The following ANK2 variants were observed in gnomAD, a reference collection of about 807,000 sequenced individuals.
ANK2 encodes ankyrin 2, also known as ankyrin-2.
In ANK2, 83 loss-of-function variants were observed where a neutral mutation model predicts 360.5. That is an observed-to-expected ratio of 0.23 (90% CI 0.19 to 0.28). The LOEUF is 0.28. Among genes scored for constraint, ANK2 ranks in the 10% least tolerant of loss-of-function variants. ANK2 has a pLI of 1.00. For missense variants in ANK2, 4,201 were observed against 4,795.7 expected (o/e 0.88, Z 3.66); for synonymous variants, 1,740 against 1,759.5 (o/e 0.99, Z 0.28).
chr4:113,123,199 A>G (rs2095472729), intron 1 of ANK2, among the ~76,000 whole-genome samples: 1 of 151,978 alleles, frequency 6.6e-6, no homozygotes, highest in Non-Finnish European at 1.5e-5. Context: ...TAAATGTTTT[A>G]ATCTTTAAAA....
At chr4:112,804,516 A>G in the ANK2 span, among the ~76,000 whole-genome samples, 1 of 152,190 alleles carries the variant, frequency 6.6e-6, no homozygotes, top group South Asian at 2.1e-4. Flanking sequence ...TTGCATATAG[A>G]TAACATGAGA....
chr4:113,090,891 G>C (rs972393521), intron 1 of ANK2, among the ~76,000 whole-genome samples: 2 of 152,168 alleles, frequency 1.3e-5, no homozygotes, highest in African/African-American at 4.8e-5. Flanking sequence ...GGTTGTCCTA[G>C]GCATTTGAGT....
chr4:113,292,108 G>C (rs922033230), intron 20 of ANK2, among the ~76,000 whole-genome samples: 1 of 152,098 alleles, frequency 6.6e-6, no homozygotes, highest in African/African-American at 2.4e-5. Flanking sequence ...GAAGTCGACT[G>C]CACCCACCCC....
chr4:113,312,117 C>T (rs1408284627), intron 24 of ANK2, among the ~76,000 whole-genome samples: 2 of 151,616 alleles, frequency 1.3e-5, no homozygotes, highest in African/African-American at 4.9e-5. Flanking sequence ...GAAATTATGA[C>T]TGATAAGTTG....
chr4:113,302,851 A>C lies in ANK2; in HGVS notation c.2548+12A>C. ...TTCTGATGAAGAGGGTAAGACTTCTATTCAATCTTCTATGACACCTGTCAT... is the reference window on the plus strand; with the variant it reads ...TTCTGATGAAGAGGGTAAGACTTCTCTTCAATCTTCTATGACACCTGTCAT... On this transcript the variant is annotated intron_variant, in intron 23 of 45. Transcript: ENST00000357077. 1 of 1,605,414 alleles carries C rather than the reference A, an allele frequency of 6.2e-7. No homozygotes were observed. The highest frequency in any genetic ancestry group is 8.5e-7 in the Non-Finnish European group (1 of 1,172,084).
intron 1 of ANK2, among the ~76,000 whole-genome samples, chr4:113,075,460 A>C (rs959778194): frequency 1.3e-5 from 2 of 152,122 alleles, no homozygotes; most frequent in Non-Finnish European, 2.9e-5. Flanking sequence ...TGTGCTTTTC[A>C]AAAAGATGTC....
intron 1 of ANK2, among the ~76,000 whole-genome samples, chr4:112,883,016 G>GTTT (rs2077165372): frequency 1.7e-5 from 1 of 58,106 alleles, no homozygotes; most frequent in Non-Finnish European, 3.3e-5. Context: ...TACTTGGTTA[G>GTTT]TCTTTTTTTT....
chr4:113,246,451 G>T (rs1459926610), intron 9 of ANK2, among the ~76,000 whole-genome samples: 2 of 152,006 alleles, frequency 1.3e-5, no homozygotes, highest in Non-Finnish European at 2.9e-5. Flanking sequence ...CCTTTTACTG[G>T]TATCTGAAAG....
At chr4:113,001,460 T>C (rs1302509093) in intron 2 of ANK2, among the ~76,000 whole-genome samples, 1 of 152,220 alleles carries the variant, frequency 6.6e-6, no homozygotes, top group African/African-American at 2.4e-5. Context: ...TGACATATTC[T>C]TGAATATCTT....
chr4:113,045,659 G>C (rs567862640), upstream of ANK2, among the ~76,000 whole-genome samples: 44 of 152,246 alleles, frequency 2.9e-4, no homozygotes, highest in African/African-American at 1.0e-3. Flanking sequence ...AAAGATCTCT[G>C]TTCTCATGGA....
intron 2 of ANK2, among the ~76,000 whole-genome samples, chr4:112,954,920 A>T (rs1416317913): frequency 6.6e-6 from 1 of 152,190 alleles, no homozygotes; most frequent in East Asian, 1.9e-4. Context: ...TGAATCAGTT[A>T]TAGGGAAATA....
chr4:113,045,946 C>T (rs2064225468), upstream of ANK2, among the ~76,000 whole-genome samples: 2 of 152,102 alleles, frequency 1.3e-5, no homozygotes, highest in Non-Finnish European at 2.9e-5. Context: ...AGTTCCTAGT[C>T]CCCTATTATA....
At chr4:112,738,009 T>C in the ANK2 span, among the ~76,000 whole-genome samples, 1 of 152,200 alleles carries the variant, frequency 6.6e-6, no homozygotes, top group East Asian at 1.9e-4. Context: ...CATAAATATT[T>C]AGCAACCTTG....
At chr4:113,098,352 T>C (rs532769268) in intron 1 of ANK2, among the ~76,000 whole-genome samples, 1 of 152,126 alleles carries the variant, frequency 6.6e-6, no homozygotes, top group Non-Finnish European at 1.5e-5. Context: ...AAATTCCTAA[T>C]ATCAGAAATC....
At chr4:113,241,307 T>G (rs974999999) in intron 8 of ANK2, among the ~76,000 whole-genome samples, 1 of 152,198 alleles carries the variant, frequency 6.6e-6, no homozygotes, top group Non-Finnish European at 1.5e-5. Context: ...GCTGTTTTTC[T>G]TACTGAATTA....
At chr4:113,110,281 G>A (rs527636836) in intron 1 of ANK2, among the ~76,000 whole-genome samples, 1 of 152,252 alleles carries the variant, frequency 6.6e-6, no homozygotes, top group East Asian at 1.9e-4. Context: ...CATGAGAACA[G>A]CATGGGAGAA....
intron 2 of ANK2, among the ~76,000 whole-genome samples, chr4:112,905,925 G>T (rs546202163): frequency 1.3e-5 from 2 of 152,294 alleles, no homozygotes; most frequent in South Asian, 4.1e-4. Context: ...GCCTCCCACA[G>T]TGCTGGGATT....
chr4:112,752,460 GGAGTGCAA>G, the ANK2 span, among the ~76,000 whole-genome samples: 1 of 152,086 alleles, frequency 6.6e-6, no homozygotes, highest in African/African-American at 2.4e-5. Flanking sequence ...CTCACTGGCT[GGAGTGCAA>G]CAGCAGAATC....
At chr4:113,301,297 G>A (rs1286747184) in intron 22 of ANK2, among the ~76,000 whole-genome samples, 2 of 151,016 alleles carry the variant, frequency 1.3e-5, no homozygotes, top group African/African-American at 4.9e-5. Context: ...ATGTTTTTGG[G>A]GTACACATAT....
Sources: allele counts gnomAD v4.1 joint callset (sites outside exome capture counted in the v4.1 genomes callset), GRCh38; gene constraint gnomAD v4.1.1; transcripts MANE v1.5; gene names NCBI Gene and HGNC (gene_info 2026-07-23, HGNC 2026-07-21).